Variants in CNST observed in about 807,000 individuals in gnomAD.
The protein encoded by CNST is consortin, connexin sorting protein.
Under a neutral mutation model 72.4 loss-of-function variants are expected in CNST, and 39 were observed. The ratio of observed to expected loss-of-function variants is 0.54; its 90% CI spans 0.42 to 0.70. The LOEUF is 0.70. Ranked by LOEUF, CNST falls within the 30% of genes least tolerant of loss-of-function variation. The probability of loss-of-function intolerance (pLI) is 0.00; values close to 1 mark genes in which losing one functional copy is unlikely to be tolerated. For missense variants in CNST, 871 were observed against 868.5 expected, an observed-to-expected ratio of 1.00 and a Z score of -0.04; for synonymous variants, 332 against 320.1, an observed-to-expected ratio of 1.04 and a Z score of -0.40.
At chr1:246,652,731 A>G (rs13374825) in intron 9 of CNST, among the ~76,000 whole-genome samples, 50,261 of 151,266 alleles carry the variant, frequency 0.33, 8,948 homozygotes, top group East Asian at 0.55. Flanking sequence ...CTGGCCGGGC[A>G]CAGTGGCTCA....
chr1:246,664,802 A>G (rs2103179041), intron 10 of CNST, among the ~76,000 whole-genome samples: 1 of 152,300 alleles, frequency 6.6e-6, no homozygotes, highest in South Asian at 2.1e-4. Context: ...ATACTGCCAA[A>G]TTACCTTCCA....
chr1:246,584,548 A>C (rs1025477761), intron 1 of CNST, among the ~76,000 whole-genome samples: 77 of 152,272 alleles, frequency 5.1e-4, no homozygotes, highest in Middle Eastern at 3.4e-3. Context: ...CTTTGTACTC[A>C]AGTAGAAGAT....
At position 246,665,715 on chromosome 1, in the gene CNST, G is replaced by C. The variant is rs961929906; in HGVS notation, c.1988G>C (p.Gly663Ala). 6.2e-7 allele frequency: 1 copy of C among 1,612,980 alleles called. No individual in the cohort carries two copies. The highest frequency in any genetic ancestry group is 1.1e-5 in the South Asian group (1 of 91,014). Reference protein sequence around the residue: ...DSLDQDEVGGGSCILLVLLCI... With the variant: ...DSLDQDEVGGASCILLVLLCI... ...ATGTTTGCAGATGAAGTTGGAGGTG[G>C]CTCCTGTATTTTGCTGGTCTTGCTG... Residue 663 changes from glycine (G) to alanine (A), a missense_variant, in exon 11 of 11, where the codon GGC (glycine) becomes GCC (alanine). Physicochemically the swap from Gly to Ala is moderately conservative, Grantham distance 60. Transcript: ENST00000366513.
chr1:246,645,423 A>ATTTTTTTTTTT (rs762655117), intron 8 of CNST, among the ~76,000 whole-genome samples: 1 of 106,072 alleles, frequency 9.4e-6, no homozygotes. Flanking sequence ...AAAGGTTAAA[A>ATTTTTTTTTTT]CTTTTTTTTT....
intron 3 of CNST, among the ~76,000 whole-genome samples, chr1:246,628,497 G>A (rs569510113): frequency 6.6e-6 from 1 of 152,180 alleles, no homozygotes; most frequent in Admixed American, 6.5e-5. Context: ...TTTTGAGCTC[G>A]TGGAACTCTT....
intron 2 of CNST, among the ~76,000 whole-genome samples, chr1:246,593,415 T>C (rs1241236060): frequency 6.6e-6 from 1 of 151,628 alleles, no homozygotes; most frequent in African/African-American, 2.4e-5. Flanking sequence ...CTCCGCCTCC[T>C]GGATTCAAGC....
Position 246,665,856 on chromosome 1 carries a change from A to C in CNST, c.2129A>C (p.Lys710Thr). Residue 710 changes from lysine (K) to threonine (T), a missense_variant, in exon 11 of 11, where the codon AAG becomes ACG. Coordinates refer to ENST00000366513, the MANE Select transcript of CNST (RefSeq NM_152609.3). The part of the protein sequence containing the change: ...FADNMDFYYT[K>T]LLQGVAELKH... ...GACAACATGGACTTCTATTACACTAAGTTACTTCAGGGAGTGGCAGAACTG... is the reference window on the plus strand; with the variant it reads ...GACAACATGGACTTCTATTACACTACGTTACTTCAGGGAGTGGCAGAACTG... The C allele has an allele frequency of 6.2e-7, 1 of 1,613,998 alleles. No individual in the cohort carries two copies. The highest frequency in any genetic ancestry group is 1.7e-4 in the Middle Eastern group (1 of 6,016).
chr1:246,662,909 G>C (rs1236869584), intron 10 of CNST, among the ~76,000 whole-genome samples: 1 of 152,058 alleles, frequency 6.6e-6, no homozygotes. Context: ...ACAGGTCTAG[G>C]ACATATAAAT....
Position 246,588,502 on chromosome 1 carries a change from A to G in CNST, c.-51-3010A>G, listed in dbSNP as rs148939918. On this transcript the variant is annotated intron_variant, in intron 1 of 10. Transcript: ENST00000366513. ...GTTAGCAAGGAAGAATCCAGAATGG[A>G]GTGATTCACCATGAGCCATATTTGG... Among the ~76,000 whole-genome samples, 5 of 152,322 alleles carry G rather than the reference A, an allele frequency of 3.3e-5. No individual in the cohort carries two copies. The East Asian group carries it at 9.6e-4, about 29-fold the overall frequency.
At chr1:246,648,165 A>G in intron 9 of CNST, 128 bp downstream of exon 9, 1 of 1,437,354 alleles carries the variant, frequency 7.0e-7, no homozygotes, top group East Asian at 2.5e-5. Context: ...TAGTTAACGT[A>G]AGCTTTTAAT....
At chr1:246,628,339 A>G (rs993460491) in intron 3 of CNST, among the ~76,000 whole-genome samples, 8 of 152,198 alleles carry the variant, frequency 5.3e-5, no homozygotes, top group African/African-American at 1.9e-4. Flanking sequence ...TAAAGGAGAA[A>G]TCAGAGATGA....
intron 1 of CNST, among the ~76,000 whole-genome samples, chr1:246,572,804 G>A (rs1021806642): frequency 6.6e-6 from 1 of 152,158 alleles, no homozygotes; most frequent in Non-Finnish European, 1.5e-5. Context: ...CTCGAGCAGA[G>A]TGCCTACTTC....
chr1:246,572,058 C>A (rs991534118), intron 1 of CNST, among the ~76,000 whole-genome samples: 1 of 151,896 alleles, frequency 6.6e-6, no homozygotes, highest in African/African-American at 2.4e-5. Flanking sequence ...GGTAAAGTAA[C>A]CTTTAAAAAT....
intron 10 of CNST, among the ~76,000 whole-genome samples, chr1:246,665,420 C>T (rs1303562240): frequency 6.6e-6 from 1 of 152,324 alleles, no homozygotes; most frequent in South Asian, 2.1e-4. Flanking sequence ...GCTATGAGCA[C>T]GTGAGCTGTT....
chr1:246,635,917 G>A (rs1166206950), intron 6 of CNST, among the ~76,000 whole-genome samples: 14 of 152,138 alleles, frequency 9.2e-5, no homozygotes, highest in Non-Finnish European at 1.6e-4. Flanking sequence ...GGTGTTGCCC[G>A]CCTGCTTTGG....
chr1:246,652,761 T>G (rs1041168578), intron 9 of CNST, among the ~76,000 whole-genome samples: 2 of 151,930 alleles, frequency 1.3e-5, no homozygotes, highest in East Asian at 1.9e-4. Flanking sequence ...TCCCAGCACT[T>G]TGGGAGGCCA....
intron 2 of CNST, among the ~76,000 whole-genome samples, chr1:246,612,509 G>A (rs938514770): frequency 1.3e-5 from 2 of 152,144 alleles, no homozygotes; most frequent in East Asian, 1.9e-4. Flanking sequence ...AGCTGTGGAC[G>A]TGTTTAATGC....
intron 1 of CNST, among the ~76,000 whole-genome samples, chr1:246,567,119 C>T (rs1438419140): frequency 6.6e-6 from 1 of 150,478 alleles, no homozygotes; most frequent in Non-Finnish European, 1.5e-5. Flanking sequence ...TCTCTCTGGG[C>T]CAATATTTTC....
rs143658902 is a variant in CNST, at chr1:246,570,701, T to C, written c.-52+4038T>C. Among the ~76,000 whole-genome samples, 664 of 152,350 alleles carry C rather than the reference T, an allele frequency of 4.4e-3. 3 individuals carry two copies. Among genetic ancestry groups the C allele is most frequent in the African/African-American group, 0.015 (637 of 41,574 alleles). On this transcript the variant is annotated intron_variant, in intron 1 of 10. Coordinates refer to ENST00000366513, the MANE Select transcript of CNST (RefSeq NM_152609.3). ...TCTATAAGAAAATAATAATGTTTTTTGTTTGTATTTAAAACTAGATAGCTG... is the reference window on the plus strand; with the variant it reads ...TCTATAAGAAAATAATAATGTTTTTCGTTTGTATTTAAAACTAGATAGCTG...
Sources: gnomAD v4.1 joint callset for allele counts (sites outside exome capture counted in the v4.1 genomes callset) on GRCh38, gnomAD v4.1.1 for gene constraint, MANE v1.5 for transcripts, NCBI Gene and HGNC (gene_info 2026-07-23, HGNC 2026-07-21) for gene names.